Variants in PSTPIP1 observed in about 807,000 individuals in gnomAD.
PSTPIP1 encodes proline-serine-threonine phosphatase interacting protein 1, also known as proline-serine-threonine phosphatase-interacting protein 1.
A neutral mutation model predicts 69.6 loss-of-function variants in PSTPIP1; 66 were observed. The observed-to-expected ratio is 0.95, with a 90% CI of 0.78 to 1.16. The LOEUF is 1.16. PSTPIP1 is among the 50% of genes most tolerant of loss of function. PSTPIP1 has a pLI of 0.00. For synonymous variants in PSTPIP1, 266 were observed against 222.7 expected, an observed-to-expected ratio of 1.19 and a Z score of -1.73; for missense variants, 603 against 557.4, an observed-to-expected ratio of 1.08 and a Z score of -0.82.
chr15:77,005,748 C>A (rs1220408338), intron 1 of PSTPIP1, among the ~76,000 whole-genome samples: 4 of 152,196 alleles, frequency 2.6e-5, no homozygotes, highest in African/African-American at 7.2e-5. Context: ...AATATTTGTC[C>A]TTTTGTGTCT....
chr15:77,019,299 GGC>G (rs2076116285), intron 3 of PSTPIP1, among the ~76,000 whole-genome samples: 1 of 152,212 alleles, frequency 6.6e-6, no homozygotes, highest in Non-Finnish European at 1.5e-5. Flanking sequence ...CAGGCCAAGG[GGC>G]AGACAGACCA....
At chr15:77,026,199 T>C (rs2076277874) in intron 5 of PSTPIP1, 2 of 455,878 alleles carry the variant, frequency 4.4e-6, no homozygotes, top group Non-Finnish European at 8.8e-6. Flanking sequence ...TGGCAGATGC[T>C]TGTCAGGGAG....
chr15:77,008,426 T>C (rs1281159681), intron 1 of PSTPIP1, among the ~76,000 whole-genome samples: 3 of 152,172 alleles, frequency 2.0e-5, no homozygotes, highest in African/African-American at 7.2e-5. Flanking sequence ...TGTTTGTTTT[T>C]TGAGACAGAG....
intron 1 of PSTPIP1, among the ~76,000 whole-genome samples, chr15:76,996,546 C>G (rs1219848037): frequency 1.3e-5 from 2 of 152,212 alleles, no homozygotes; most frequent in African/African-American, 4.8e-5. Context: ...AGCCAACAGC[C>G]CTGCCCTCCC....
In PSTPIP1 at chr15:77,027,791, T is replaced by C. The variant is rs2076314937; in HGVS notation, c.355-61T>C. The C allele has an allele frequency of 6.5e-7, 1 of 1,544,990 alleles. No homozygotes were observed. The highest frequency in any genetic ancestry group is 8.8e-7 in the Non-Finnish European group (1 of 1,142,724). On this transcript the variant is annotated intron_variant, in intron 5 of 14. Transcript: ENST00000558012. This position sits in a 1 kb window ranked among gnomAD's most constrained non-coding sequence, Gnocchi z 4.3. ...CTCATCCCAGGGACACTCCGTCCTC[T>C]TGGCCTAGGGGAGCCTCCCGAGGCC...
In PSTPIP1 at chr15:76,995,690, G is replaced by A. The variant is rs2075562595; in HGVS notation, c.36+81G>A. 4.4e-6 allele frequency: 7 copies of A among 1,604,642 alleles called. No individual in the cohort carries two copies. The South Asian group carries it at 4.4e-5, about 10-fold the overall frequency. On this transcript the variant is annotated intron_variant, in intron 1 of 14. Coordinates refer to ENST00000558012, the MANE Select transcript of PSTPIP1 (RefSeq NM_003978.5). ...AATCTCCATGCAGGTGATGGGATGC[G>A]GCTCCGAGAGGGGAGCTTTCTCATA...
In PSTPIP1 at chr15:76,995,205, T is replaced by C; in HGVS notation, c.-369T>C. 1 of 1,211,000 alleles carries C rather than the reference T, an allele frequency of 8.3e-7. No individual in the cohort carries two copies. The highest frequency in any genetic ancestry group is 1.0e-6 in the Non-Finnish European group (1 of 959,910). 75.0% of individuals were successfully genotyped at this position (1,211,000 alleles called of 1,614,324 possible). A position where few individuals can be genotyped will look rare whatever the true frequency, so the allele number is the denominator to read the frequency against. ...CCGAGCTCCAGCCTGCCTCTTCCAC[T>C]GGCCACTGCCTCCCACCCAGGGCTG... On this transcript the variant is annotated 5_prime_UTR_variant, in exon 1 of 15. Transcript: ENST00000558012.
chr15:77,010,099 C>A (rs1419069547), intron 1 of PSTPIP1, among the ~76,000 whole-genome samples: 3 of 152,174 alleles, frequency 2.0e-5, no homozygotes, highest in East Asian at 1.9e-4. Flanking sequence ...GCATCAGTCA[C>A]CCCCAAGGGC....
Position 77,031,094 on chromosome 15 carries a change from G to A in PSTPIP1, c.643-86G>A, listed in dbSNP as rs112022434. ...CCAGCAGAGAGGGCTGGCCTGGTCAGCTCCGGCTGAGCTGTGAATGGGGCC... is the reference window on the plus strand; with the variant it reads ...CCAGCAGAGAGGGCTGGCCTGGTCAACTCCGGCTGAGCTGTGAATGGGGCC... On this transcript the variant is annotated intron_variant, in intron 9 of 14. Coordinates refer to ENST00000558012, the MANE Select transcript of PSTPIP1 (RefSeq NM_003978.5). The A allele has an allele frequency of 2.1e-4, 286 of 1,338,252 alleles. No individual in the cohort carries two copies. The African/African-American group carries it at 3.7e-3, about 17-fold the overall frequency. 82.9% of individuals were successfully genotyped at this position (1,338,252 alleles called of 1,614,324 possible).
intron 10 of PSTPIP1, 111 bp downstream of exon 10, chr15:77,031,389 C>T: frequency 8.1e-7 from 1 of 1,228,838 alleles, no homozygotes; most frequent in African/African-American, 1.5e-5. Context: ...TGATCCAAGC[C>T]TGGCCCCAGG....
intron 12 of PSTPIP1, among the ~76,000 whole-genome samples, chr15:77,034,995 G>T (rs1202616921): frequency 6.6e-6 from 1 of 152,262 alleles, no homozygotes; most frequent in East Asian, 1.9e-4. Flanking sequence ...ACAGGGAGGA[G>T]GGCTGGCTCG....
At chr15:77,028,788 C>A in intron 7 of PSTPIP1, 136 bp downstream of exon 7, 1 of 792,052 alleles carries the variant, frequency 1.3e-6, no homozygotes, top group Non-Finnish European at 1.9e-6. Flanking sequence ...CCCCCAATCT[C>A]CCCATCTGTG....
At chr15:77,029,817 C>T (rs1400625722) in intron 8 of PSTPIP1, among the ~76,000 whole-genome samples, 1 of 152,194 alleles carries the variant, frequency 6.6e-6, no homozygotes, top group Non-Finnish European at 1.5e-5. Context: ...TTACTGTTCC[C>T]TTTCTTAACA....
chr15:77,011,018 G>C (rs940964196), intron 1 of PSTPIP1, among the ~76,000 whole-genome samples: 5 of 152,178 alleles, frequency 3.3e-5, no homozygotes, highest in Non-Finnish European at 7.3e-5. Flanking sequence ...GGCCCCATGA[G>C]AGTGAAGGAG....
Position 77,035,551 on chromosome 15 carries a change from G to A in PSTPIP1, c.973G>A (p.Ala325Thr). ...LHGSPKTTSL[A>T]ASAASTETLT... The stretch of plus-strand genomic sequence containing the variant: ...CGGAAGTCCCAAGACCACTTCGTTG[G>A]CAGCTTCTGCTGGTAAAGGGGGTCA... The change falls in exon 13 of 15, where the codon GCA becomes ACA. Residue 325 changes from alanine (A) to threonine (T), a missense_variant. Physicochemically the swap from Ala to Thr is moderately conservative, Grantham distance 58. Coordinates refer to ENST00000558012, the MANE Select transcript of PSTPIP1 (RefSeq NM_003978.5). 1 of 1,585,186 alleles carries A rather than the reference G, an allele frequency of 6.3e-7. No individual in the cohort carries two copies. The highest frequency in any genetic ancestry group is 8.6e-7 in the Non-Finnish European group (1 of 1,166,236).
At chr15:76,996,845 C>T (rs540869864) in intron 1 of PSTPIP1, among the ~76,000 whole-genome samples, 2 of 152,304 alleles carry the variant, frequency 1.3e-5, no homozygotes, top group East Asian at 3.9e-4. Flanking sequence ...ATGCTCAGGG[C>T]CCAGGCTGGC....
At chr15:77,031,588 T>C in intron 10 of PSTPIP1, 1 of 294,548 alleles carries the variant, frequency 3.4e-6, no homozygotes, top group Non-Finnish European at 6.6e-6. Context: ...TGGACACAGC[T>C]GTCAGAGGTT....
rs111644078 is a variant in PSTPIP1, at chr15:76,997,046, G to C, written c.36+1437G>C. ...AGAGCCCCTGGGCCTGCCTTCCCTA[G>C]GGCAGAGCTGGGCAAGGAGCAGCCT... On this transcript the variant is annotated intron_variant, in intron 1 of 14. Transcript: ENST00000558012. Among the ~76,000 whole-genome samples the C allele has an allele frequency of 8.6e-3, 1,308 of 152,332 alleles. 15 individuals carry two copies. The highest frequency in any genetic ancestry group is 0.03 in the African/African-American group (1,244 of 41,564).
chr15:77,036,292 A>G (rs1157335643), intron 14 of PSTPIP1, among the ~76,000 whole-genome samples: 2 of 152,138 alleles, frequency 1.3e-5, no homozygotes, highest in Non-Finnish European at 2.9e-5. Context: ...AGTGGTGCAC[A>G]CGTGCGGGGA....
Sources: allele counts gnomAD v4.1 joint callset (sites outside exome capture counted in the v4.1 genomes callset), GRCh38; gene constraint gnomAD v4.1.1; non-coding constraint Gnocchi (gnomAD v3.1); transcripts MANE v1.5; gene names NCBI Gene and HGNC (gene_info 2026-07-23, HGNC 2026-07-21).